Variants in GRM5 observed in about 807,000 individuals in gnomAD.
The protein encoded by GRM5 is metabotropic glutamate receptor 5.
Under a neutral mutation model 83.1 loss-of-function variants are expected in GRM5, and 19 were observed. The ratio of observed to expected loss-of-function variants is 0.23; its 90% CI spans 0.16 to 0.34. GRM5 has a LOEUF of 0.34. Ranked by LOEUF, GRM5 falls within the 10% of genes least tolerant of loss-of-function variation. The pLI, the probability that GRM5 is intolerant of heterozygous loss-of-function variation, is 1.00. For missense variants in GRM5, 1,160 were observed against 1,588.3 expected (o/e 0.73, Z 4.58); for synonymous variants, 675 against 633.6 (o/e 1.07, Z -0.98).
chr11:88,523,607 A>G (rs2135103597), intron 9 of GRM5, among the ~76,000 whole-genome samples: 1 of 152,300 alleles, frequency 6.6e-6, no homozygotes, highest in African/African-American at 2.4e-5. Context: ...GCCATCAGAT[A>G]CACCAAAGTA....
At chr11:88,913,609 T>C (rs1249200116) in intron 2 of GRM5, among the ~76,000 whole-genome samples, 1 of 127,068 alleles carries the variant, frequency 7.9e-6, no homozygotes, top group African/African-American at 3.0e-5. Flanking sequence ...TTTTTTTAGG[T>C]GGAGTCGTGC....
chr11:89,023,726 T>C (rs934903777), intron 2 of GRM5, among the ~76,000 whole-genome samples: 7 of 151,942 alleles, frequency 4.6e-5, no homozygotes, highest in Non-Finnish European at 8.8e-5. Flanking sequence ...GGCACATGTC[T>C]GCAGTCCCAG....
At chr11:88,793,420 A>G (rs1943214743) in intron 3 of GRM5, among the ~76,000 whole-genome samples, 1 of 152,202 alleles carries the variant, frequency 6.6e-6, no homozygotes, top group Admixed American at 6.5e-5. Context: ...TCTGGACCTC[A>G]GGTTTAAAAA....
At chr11:88,637,661 G>A (rs1939171180) in intron 4 of GRM5, among the ~76,000 whole-genome samples, 1 of 147,156 alleles carries the variant, frequency 6.8e-6, no homozygotes, top group East Asian at 2.0e-4. Context: ...AACAACAGGT[G>A]CTGGAGAGGA....
At chr11:88,705,194 G>A (rs1028867751) in intron 3 of GRM5, among the ~76,000 whole-genome samples, 4 of 151,942 alleles carry the variant, frequency 2.6e-5, no homozygotes, top group Non-Finnish European at 5.9e-5. Flanking sequence ...AGATCAATGG[G>A]GGTTCTTCAG....
At chr11:88,864,893 C>T (rs908967166) in intron 2 of GRM5, among the ~76,000 whole-genome samples, 1 of 151,974 alleles carries the variant, frequency 6.6e-6, no homozygotes, top group Admixed American at 6.6e-5. Flanking sequence ...TGAATTTCAT[C>T]GAAGGCCTTT....
intron 3 of GRM5, among the ~76,000 whole-genome samples, chr11:88,738,942 C>T (rs948450922): frequency 6.6e-6 from 1 of 152,074 alleles, no homozygotes; most frequent in African/African-American, 2.4e-5. Flanking sequence ...TTTACATGCT[C>T]CAATTCCAGA....
At chr11:88,579,574 T>C (rs1413223850) in intron 7 of GRM5, among the ~76,000 whole-genome samples, 6 of 152,198 alleles carry the variant, frequency 3.9e-5, no homozygotes, top group Non-Finnish European at 7.3e-5. Flanking sequence ...TGTGGTTATC[T>C]GCAGTAAAGC....
intron 9 of GRM5, among the ~76,000 whole-genome samples, chr11:88,522,331 C>G (rs1321786186): frequency 2.0e-5 from 3 of 152,178 alleles, no homozygotes; most frequent in Non-Finnish European, 4.4e-5. Flanking sequence ...CAACCCCTTA[C>G]TTAGAAACGG....
chr11:88,506,904 C>T lies in GRM5; in HGVS notation c.*1688G>A, dbSNP rs1039057064. On this transcript the variant is annotated 3_prime_UTR_variant, in exon 10 of 10. Coordinates refer to ENST00000305447, the MANE Select transcript of GRM5 (RefSeq NM_001143831.3). ...AAGAAAAAGTTTTATTTATTATTCT[C>T]TCTGCCAAAATATACTTCTGCCTCA... is the stretch of plus-strand genomic sequence containing the variant. 4 of 151,990 alleles carry T rather than the reference C, an allele frequency of 2.6e-5. No individual in the cohort carries two copies. Among genetic ancestry groups the T allele is most frequent in the Admixed American group, 2.0e-4 (3 of 15,268 alleles). 9.4% of individuals were successfully genotyped at this position (151,990 alleles called of 1,614,324 possible). A position where few individuals can be genotyped will look rare whatever the true frequency, so the allele number is the denominator to read the frequency against.
At chr11:88,517,162 C>T (rs1000060556) in intron 9 of GRM5, among the ~76,000 whole-genome samples, 1 of 147,824 alleles carries the variant, frequency 6.8e-6, no homozygotes, top group Non-Finnish European at 1.5e-5. Flanking sequence ...CACACACACA[C>T]GTTTCTGATC....
At chr11:88,877,267 G>A (rs534172741) in intron 2 of GRM5, among the ~76,000 whole-genome samples, 109 of 152,110 alleles carry the variant, frequency 7.2e-4, no homozygotes, top group Non-Finnish European at 9.9e-4. Flanking sequence ...TGGTAAATTA[G>A]CACATGAAAA....
intron 3 of GRM5, among the ~76,000 whole-genome samples, chr11:88,825,813 G>A (rs1943885892): frequency 6.6e-6 from 1 of 152,028 alleles, no homozygotes; most frequent in Non-Finnish European, 1.5e-5. Flanking sequence ...AGGTGGCTTG[G>A]GTTTTAGTGC....
intron 8 of GRM5, among the ~76,000 whole-genome samples, chr11:88,537,931 G>A (rs147015873): frequency 6.6e-6 from 1 of 152,028 alleles, no homozygotes; most frequent in Non-Finnish European, 1.5e-5. Flanking sequence ...GAAAATAATG[G>A]AAAGGTAAAA....
intron 3 of GRM5, among the ~76,000 whole-genome samples, chr11:88,680,278 C>A (rs1207471974): frequency 6.6e-6 from 1 of 151,972 alleles, no homozygotes; most frequent in Admixed American, 6.6e-5. Flanking sequence ...TGTTCCCCTT[C>A]CTGTGTCCAA....
chr11:88,808,657 A>G (rs796416246), intron 3 of GRM5, among the ~76,000 whole-genome samples: 2 of 152,114 alleles, frequency 1.3e-5, no homozygotes, highest in African/African-American at 4.8e-5. Context: ...ATCATGTTAT[A>G]TTGGAATGTA....
At chr11:88,771,964 C>T (rs181500234) in intron 3 of GRM5, among the ~76,000 whole-genome samples, 1 of 151,916 alleles carries the variant, frequency 6.6e-6, no homozygotes, top group African/African-American at 2.4e-5. Flanking sequence ...TAGTTTGTAA[C>T]CTTTGGAGAC....
At chr11:88,949,818 A>G (rs185106445) in intron 2 of GRM5, among the ~76,000 whole-genome samples, 1 of 152,320 alleles carries the variant, frequency 6.6e-6, no homozygotes, top group Middle Eastern at 3.4e-3. Context: ...CATTAGAAAC[A>G]GTATTTTAGG....
intron 2 of GRM5, among the ~76,000 whole-genome samples, chr11:88,850,951 C>T (rs1278454417): frequency 6.6e-6 from 1 of 152,068 alleles, no homozygotes; most frequent in African/African-American, 2.4e-5. Context: ...TAATTTAGCA[C>T]TCACAATAAA....
Sources: allele counts gnomAD v4.1 joint callset (sites outside exome capture counted in the v4.1 genomes callset), GRCh38; gene constraint gnomAD v4.1.1; transcripts MANE v1.5; gene names NCBI Gene and HGNC (gene_info 2026-07-23, HGNC 2026-07-21).